COL9A2: variants seen among roughly 807,000 people sequenced by gnomAD.
The protein encoded by COL9A2 is collagen type IX alpha 2 chain.
COL9A2 carries 66 observed loss-of-function variants against 111.6 expected under a neutral mutation model. The observed-to-expected ratio is 0.59, with a 90% CI of 0.48 to 0.73. The LOEUF is 0.73. Ranked by LOEUF, COL9A2 falls within the 30% of genes least tolerant of loss-of-function variation. COL9A2 has a pLI of 0.00. For synonymous variants in COL9A2, 353 were observed against 364.1 expected (o/e 0.97, Z 0.35); for missense variants, 881 against 954.1 (o/e 0.92, Z 1.01).
chr1:40,312,398 T>C lies in COL9A2; in HGVS notation c.363+58A>G, dbSNP rs1309477119. ...GGTGGCCATTCCCTCGAAGCCTTTC[T>C]GTTGTCCCCTCCTTCCCTGGGAGTT... On this transcript the variant is annotated intron_variant, in intron 7 of 31. Transcript: ENST00000372748. The surrounding 1 kb of genome is among the most constrained non-coding windows in gnomAD (Gnocchi z 6.0). 3 of 1,598,084 alleles carry C rather than the reference T, an allele frequency of 1.9e-6. No homozygotes were observed. The African/African-American group carries it at 4.0e-5, about 21-fold the overall frequency.
In COL9A2 at chr1:40,303,515, CG is replaced by C. The variant is rs1643949753; in HGVS notation, c.1548+14del. ...TACCTAGAAGAAGCACCTCCTACCC[CG>C]GGGCCCGACTCACCTCCACGCCCTG... On this transcript the variant is annotated intron_variant, in intron 28 of 31. Coordinates refer to ENST00000372748, the MANE Select transcript of COL9A2 (RefSeq NM_001852.4). The surrounding 1 kb of genome is among the most constrained non-coding windows in gnomAD (Gnocchi z 4.6). The C allele has an allele frequency of 6.2e-7, 1 of 1,612,804 alleles. No individual in the cohort carries two copies. Among genetic ancestry groups the C allele is most frequent in the Non-Finnish European group, 8.5e-7 (1 of 1,179,856 alleles).
At position 40,316,283 on chromosome 1, in the gene COL9A2, C is replaced by T. The variant is rs540638378; in HGVS notation, c.76-619G>A. ...GCGCCCCTTCGGCAGCACAGCTGCC[C>T]GGTCCTCCCTCTGCTAAGCCCTGAC... On this transcript the variant is annotated intron_variant, in intron 1 of 31. Transcript: ENST00000372748. The surrounding 1 kb of genome is among the most constrained non-coding windows in gnomAD (Gnocchi z 5.5). 1.3e-5 allele frequency among the ~76,000 whole-genome samples: 2 copies of T among 152,298 alleles called. No individual in the cohort carries two copies. The highest frequency in any genetic ancestry group is 2.1e-4 in the South Asian group (1 of 4,826).
chr1:40,301,071 G>GAA lies in COL9A2; in HGVS notation c.*109_*110dup, dbSNP rs1446067921. ...CCTTAGGACTCCTGAGTCCCAGACAGAAGGTCCTGGGGGAGATGGTTTCCT... is the reference window on the plus strand; with the variant it reads ...CCTTAGGACTCCTGAGTCCCAGACAGAAAAGGTCCTGGGGGAGATGGTTTCCT... On this transcript the variant is annotated 3_prime_UTR_variant, in exon 32 of 32. Transcript: ENST00000372748. The GAA allele has an allele frequency of 2.6e-6, 3 of 1,146,684 alleles. No individual in the cohort carries two copies. Among genetic ancestry groups the GAA allele is most frequent in the Non-Finnish European group, 3.9e-6 (3 of 776,938 alleles). The allele number at this position is 1,146,684 out of a possible 1,614,324, so 71.0% of individuals were successfully genotyped here.
At chr1:40,309,903 G>C in intron 16 of COL9A2, 35 bp downstream of exon 16, 4 of 1,610,876 alleles carry the variant, frequency 2.5e-6, no homozygotes, top group Non-Finnish European at 2.5e-6. Flanking sequence ...ACTCCCCAGG[G>C]GTCCTGACTG....
In COL9A2 at chr1:40,303,687, ATGGGGG is replaced by A; in HGVS notation, c.1402-17_1402-12del. 7.8e-7 allele frequency: 1 copy of A among 1,288,304 alleles called. No individual in the cohort carries two copies. Among genetic ancestry groups the A allele is most frequent in the Non-Finnish European group, 1.0e-6 (1 of 979,424 alleles). The allele number at this position is 1,288,304 out of a possible 1,614,324, so 79.8% of individuals were successfully genotyped here. On this transcript the variant is annotated splice_polypyrimidine_tract_variant and intron_variant, in intron 27 of 31. Transcript: ENST00000372748. This position sits in a 1 kb window ranked among gnomAD's most constrained non-coding sequence, Gnocchi z 4.6. ...TCCACGTACTCCTTGCTGCGGGGGG[ATGGGGG>A]TGGGAGCAGAGCCGGGTGAGAAGGC...
rs1569700165 is a variant in COL9A2, at chr1:40,302,758, A to C, written c.1655T>G (p.Val552Gly). 7.6e-7 allele frequency: 1 copy of C among 1,309,638 alleles called. No homozygotes were observed. The highest frequency in any genetic ancestry group is 1.2e-5 in the South Asian group (1 of 82,038). The allele number at this position is 1,309,638 out of a possible 1,614,324, so 81.1% of individuals were successfully genotyped here. A position where few individuals can be genotyped will look rare whatever the true frequency, so the allele number is the denominator to read the frequency against. The change falls in exon 30 of 32, where the codon GTG becomes GGG. Residue 552 changes from valine to glycine, a missense_variant. Coordinates refer to ENST00000372748, the MANE Select transcript of COL9A2 (RefSeq NM_001852.4). The surrounding 1 kb of genome is among the most constrained non-coding windows in gnomAD (Gnocchi z 4.5). Reference sequence around the variant, plus strand: ...AGGTCCTGGAGGACCCATCATGCCCACCGCACCCAGGGCTTCCCGCTTGGC... The same window carrying C: ...AGGTCCTGGAGGACCCATCATGCCCCCCGCACCCAGGGCTTCCCGCTTGGC... ...VSAKREALGA[V>G]GMMGPPGPPG...
Position 40,302,442 on chromosome 1 carries a change from T to C in COL9A2, c.1792+179A>G, listed in dbSNP as rs1392192880. Among the ~76,000 whole-genome samples the C allele has an allele frequency of 6.6e-6, 1 of 152,074 alleles. No individual in the cohort carries two copies. The highest frequency in any genetic ancestry group is 2.4e-5 in the African/African-American group (1 of 41,398). ...ACCCCAGAAACCCCGAGTGATAACA[T>C]AGTACATTCATTGCCATCCGTTTGC... On this transcript the variant is annotated intron_variant, in intron 30 of 31. Coordinates refer to ENST00000372748, the MANE Select transcript of COL9A2 (RefSeq NM_001852.4). This position sits in a 1 kb window ranked among gnomAD's most constrained non-coding sequence, Gnocchi z 4.5.
At position 40,307,447 on chromosome 1, in the gene COL9A2, G is replaced by A. The variant is rs150075912; in HGVS notation, c.1007C>T (p.Ala336Val). 16 of 1,613,870 alleles carry A rather than the reference G, an allele frequency of 9.9e-6. No individual in the cohort carries two copies. The highest frequency in any genetic ancestry group is 5.5e-5 in the South Asian group (5 of 90,996). Residue 336 changes from alanine to valine, a missense_variant and splice_region_variant, in exon 19 of 32, where the codon GCG becomes GTG. Physicochemically the swap from Ala to Val is moderately conservative, Grantham distance 64. Transcript: ENST00000372748. This position sits in a 1 kb window ranked among gnomAD's most constrained non-coding sequence, Gnocchi z 4.8. ...QPGSPGHQGL[A>V]GVPGQPGTKG... ...CCTGTGGCTCCACCTGACACTTACC[G>A]CTAGGCCCTGGTGGCCTGGACTTCC...
chr1:40,314,073 A>AG lies in COL9A2; in HGVS notation c.249+131dup. Reference sequence around the variant, plus strand: ...GAAGGTCACAAGTCATATCAAGGTGAGGGGGGCTCACAGCTGGAGAATCTC... The same window carrying AG: ...GAAGGTCACAAGTCATATCAAGGTGAGGGGGGGCTCACAGCTGGAGAATCTC... On this transcript the variant is annotated intron_variant, in intron 4 of 31. Coordinates refer to ENST00000372748, the MANE Select transcript of COL9A2 (RefSeq NM_001852.4). The surrounding 1 kb of genome is among the most constrained non-coding windows in gnomAD (Gnocchi z 4.1). The AG allele has an allele frequency of 1.0e-6, 1 of 1,002,514 alleles. No homozygotes were observed. Among genetic ancestry groups the AG allele is most frequent in the Non-Finnish European group, 1.6e-6 (1 of 626,826 alleles). 62.1% of individuals were successfully genotyped at this position (1,002,514 alleles called of 1,614,324 possible). A position where few individuals can be genotyped will look rare whatever the true frequency, so the allele number is the denominator to read the frequency against.
At chr1:40,315,479 GGGGCACTACATCTCC>G in intron 2 of COL9A2, 96 bp downstream of exon 2, 2 of 1,465,744 alleles carry the variant, frequency 1.4e-6, no homozygotes, top group South Asian at 2.7e-5. Context: ...TTGGCGACGA[GGGGCACTACATCTCC>G]GGGCACCCCG....
At chr1:40,308,152 C>T (rs1557798665) in intron 17 of COL9A2, 40 bp downstream of exon 17, 2 of 1,597,122 alleles carry the variant, frequency 1.3e-6, no homozygotes, top group Non-Finnish European at 1.7e-6. Flanking sequence ...CAGCTGGGCC[C>T]TGGCCTCTGT....
Position 40,317,101 on chromosome 1 carries a change from G to A in COL9A2, c.75+22C>T, listed in dbSNP as rs1036331229. ...AGACCCCGCACCCTGGACCCTGGCAGCGGAGGGGCTGCGAAACTTACAATC... is the reference window on the plus strand; with the variant it reads ...AGACCCCGCACCCTGGACCCTGGCAACGGAGGGGCTGCGAAACTTACAATC... On this transcript the variant is annotated intron_variant, in intron 1 of 31. Coordinates refer to ENST00000372748, the MANE Select transcript of COL9A2 (RefSeq NM_001852.4). This position sits in a 1 kb window ranked among gnomAD's most constrained non-coding sequence, Gnocchi z 4.3. The A allele has an allele frequency of 1.3e-6, 2 of 1,556,220 alleles. No individual in the cohort carries two copies. Among genetic ancestry groups the A allele is most frequent in the African/African-American group, 1.4e-5 (1 of 73,286 alleles).
rs1643939190 is a variant in COL9A2 at position 40,303,028 on chromosome 1, G to A, written c.1603+103C>T. 7.7e-7 allele frequency: 1 copy of A among 1,291,548 alleles called. No individual in the cohort carries two copies. The highest frequency in any genetic ancestry group is 1.1e-6 in the Non-Finnish European group (1 of 912,382). The allele number at this position is 1,291,548 out of a possible 1,614,324, so 80.0% of individuals were successfully genotyped here. A position where few individuals can be genotyped will look rare whatever the true frequency, so the allele number is the denominator to read the frequency against. On this transcript the variant is annotated intron_variant, in intron 29 of 31. Transcript: ENST00000372748. The surrounding 1 kb of genome is among the most constrained non-coding windows in gnomAD (Gnocchi z 4.6). ...AGACTGGACTGGAAGGAGCCCCCAG[G>A]ACTCCAGATTTTCAGACAAGTGAAC...
In COL9A2 at chr1:40,301,065, C is replaced by A; in HGVS notation, c.*117G>T. 1 of 1,107,678 alleles carries A rather than the reference C, an allele frequency of 9.0e-7. No individual in the cohort carries two copies. 68.6% of individuals were successfully genotyped at this position (1,107,678 alleles called of 1,614,324 possible). ...CCTTTTCCTTAGGACTCCTGAGTCC[C>A]AGACAGAAGGTCCTGGGGGAGATGG... On this transcript the variant is annotated 3_prime_UTR_variant, in exon 32 of 32. Coordinates refer to ENST00000372748, the MANE Select transcript of COL9A2 (RefSeq NM_001852.4).
At chr1:40,306,232 G>A (rs1557797016) in intron 19 of COL9A2, 45 bp from the exon 20 acceptor site, 1 of 1,605,726 alleles carries the variant, frequency 6.2e-7, no homozygotes, top group South Asian at 1.1e-5. Flanking sequence ...GCATGAGGGA[G>A]CCCCATGCAC....
Position 40,303,947 on chromosome 1 carries a change from G to A in COL9A2, c.1349C>T (p.Pro450Leu). The change falls in exon 26 of 32, where the codon CCC (proline) becomes CTC (leucine). Residue 450 changes from proline to leucine, a missense_variant. Physicochemically the swap from Pro to Leu is moderately conservative, Grantham distance 98 (BLOSUM62 -3). Coordinates refer to ENST00000372748, the MANE Select transcript of COL9A2 (RefSeq NM_001852.4). The surrounding 1 kb of genome is among the most constrained non-coding windows in gnomAD (Gnocchi z 4.6). ...GCTCACCTTCTCGCCTTTCTCTCCG[G>A]GGAGGCCGGCCACCCCTGGGTCACC... is the stretch of plus-strand genomic sequence containing the variant. ...KVGDPGVAGL[P>L]GEKGEKGESG... The A allele has an allele frequency of 6.4e-7, 1 of 1,560,566 alleles. No individual in the cohort carries two copies. The highest frequency in any genetic ancestry group is 8.7e-7 in the Non-Finnish European group (1 of 1,151,826).
In COL9A2 at chr1:40,317,282, T is replaced by G; in HGVS notation, c.-85A>C. On this transcript the variant is annotated 5_prime_UTR_variant, in exon 1 of 32. Transcript: ENST00000372748. This position sits in a 1 kb window ranked among gnomAD's most constrained non-coding sequence, Gnocchi z 4.3. Reference sequence around the variant, plus strand: ...CTCCCGGCGCTCCTCCAGCGCTGGCTGTTCGCGGGCAGGGTGGGCTGGGGC... The same window carrying G: ...CTCCCGGCGCTCCTCCAGCGCTGGCGGTTCGCGGGCAGGGTGGGCTGGGGC... The G allele has an allele frequency of 2.8e-6, 2 of 725,458 alleles. No individual in the cohort carries two copies. Among genetic ancestry groups the G allele is most frequent in the Non-Finnish European group, 4.3e-6 (2 of 461,008 alleles). 44.9% of individuals were successfully genotyped at this position (725,458 alleles called of 1,614,324 possible). A position where few individuals can be genotyped will look rare whatever the true frequency, so the allele number is the denominator to read the frequency against.
At position 40,300,593 on chromosome 1, in the gene COL9A2, G is replaced by A. The variant is rs980779471; in HGVS notation, c.*589C>T. ...TGGGTGGATCGGGGAGAAAGGGGTG[G>A]GGAGTTATGCGAGAAAGAGAAGGGA... On this transcript the variant is annotated 3_prime_UTR_variant, in exon 32 of 32. Transcript: ENST00000372748. The surrounding 1 kb of genome is among the most constrained non-coding windows in gnomAD (Gnocchi z 4.4). 6.5e-6 allele frequency: 1 copy of A among 153,026 alleles called. No homozygotes were observed. The highest frequency in any genetic ancestry group is 1.5e-5 in the Non-Finnish European group (1 of 68,704). The allele number at this position is 153,026 out of a possible 1,614,324, so 9.5% of individuals were successfully genotyped here.
In COL9A2 at chr1:40,303,153, A is replaced by ATCC. The variant is rs1320986139; in HGVS notation, c.1578_1580dup (p.Val526_Asp527insGlu). ...CACCTTGCAGCATCTTCAGCGCCAC[A>ATCC]TCCACGATGTGCTGGTCAGTGGCAT... On this transcript the variant is annotated inframe_insertion, in exon 29 of 32. Transcript: ENST00000372748. This position sits in a 1 kb window ranked among gnomAD's most constrained non-coding sequence, Gnocchi z 4.6. 1.2e-6 allele frequency: 2 copies of ATCC among 1,612,724 alleles called. No homozygotes were observed. The highest frequency in any genetic ancestry group is 2.7e-5 in the African/African-American group (2 of 74,830).
Sources: allele counts gnomAD v4.1 joint callset (sites outside exome capture counted in the v4.1 genomes callset), GRCh38; gene constraint gnomAD v4.1.1; non-coding constraint Gnocchi (gnomAD v3.1); transcripts MANE v1.5; gene names NCBI Gene and HGNC (gene_info 2026-07-23, HGNC 2026-07-21).